STAU1: variants seen among roughly 807,000 people sequenced by gnomAD.
The protein encoded by STAU1 is double-stranded RNA-binding protein Staufen homolog 1.
Under a neutral mutation model 62.9 loss-of-function variants are expected in STAU1, and 13 were observed. The ratio of observed to expected loss-of-function variants is 0.21; its 90% CI spans 0.13 to 0.33. STAU1 has a LOEUF of 0.33. STAU1 is among the 10% of genes least tolerant of loss of function. The pLI is 1.00. For synonymous variants in STAU1, 269 were observed against 265.1 expected, an observed-to-expected ratio of 1.01 and a Z score of -0.14; for missense variants, 571 against 712.1, an observed-to-expected ratio of 0.80 and a Z score of 2.25.
At chr20:49,159,824 A>G (rs2093421882) in intron 3 of STAU1, among the ~76,000 whole-genome samples, 1 of 152,230 alleles carries the variant, frequency 6.6e-6, no homozygotes, top group Non-Finnish European at 1.5e-5. Context: ...GGCCTTCCAA[A>G]GTGCTGTGAA....
At chr20:49,185,465 G>C (rs1246849152) in intron 1 of STAU1, among the ~76,000 whole-genome samples, 1 of 152,190 alleles carries the variant, frequency 6.6e-6, no homozygotes, top group Non-Finnish European at 1.5e-5. Context: ...CTTTTCTGCT[G>C]TACAGAAATC....
At chr20:49,197,449 T>A in the STAU1 span, among the ~76,000 whole-genome samples, 1 of 150,874 alleles carries the variant, frequency 6.6e-6, no homozygotes, top group African/African-American at 2.4e-5. Context: ...TTGCCCAGAC[T>A]GGAGTGCAGT....
Position 49,134,780 on chromosome 20 carries a change from A to G in STAU1, c.609+1053T>C, listed in dbSNP as rs555933563. On this transcript the variant is annotated intron_variant, in intron 6 of 13. Coordinates refer to ENST00000371856, the MANE Select transcript of STAU1 (RefSeq NM_017453.4). ...GAAAGAAATGTATACACTGGGAATC[A>G]TTAGTTTTCCCATTCCTGGAGAGCC... The G allele has an allele frequency of 1.5e-3, 1,792 of 1,198,926 alleles. 12 individuals are homozygous for G. Among genetic ancestry groups the G allele is most frequent in the South Asian group, 9.1e-3 (750 of 82,654 alleles). 74.3% of individuals were successfully genotyped at this position (1,198,926 alleles called of 1,614,324 possible).
chr20:49,149,996 G>C (rs138500326), intron 5 of STAU1, among the ~76,000 whole-genome samples: 8 of 152,286 alleles, frequency 5.3e-5, no homozygotes, highest in Admixed American at 5.2e-4. Context: ...ATGCTACCCA[G>C]AGATATTTTC....
intron 1 of STAU1, among the ~76,000 whole-genome samples, chr20:49,180,551 T>G (rs2093712887): frequency 6.6e-6 from 1 of 152,226 alleles, no homozygotes; most frequent in South Asian, 2.1e-4. Flanking sequence ...CTCGAACTCC[T>G]GACCTCAGGT....
At chr20:49,171,872 A>G (rs971561665) in intron 2 of STAU1, among the ~76,000 whole-genome samples, 2 of 151,010 alleles carry the variant, frequency 1.3e-5, no homozygotes, top group Admixed American at 1.3e-4. Context: ...ATACTAAATC[A>G]CCCAATAATA....
At chr20:49,128,819 T>C (rs1424250188) in intron 6 of STAU1, among the ~76,000 whole-genome samples, 1 of 144,704 alleles carries the variant, frequency 6.9e-6, no homozygotes, top group African/African-American at 2.5e-5. Context: ...TATGTCACAG[T>C]ATATATGAAA....
chr20:49,151,698 A>G lies in STAU1; in HGVS notation c.394T>C (p.Ser132Pro). 2 of 1,611,522 alleles carry G rather than the reference A, an allele frequency of 1.2e-6. No homozygotes were observed. The highest frequency in any genetic ancestry group is 1.7e-6 in the Non-Finnish European group (2 of 1,179,212). Residue 132 changes from serine (S) to proline (P), a missense_variant, in exon 5 of 14, where the codon TCT (serine) becomes CCT (proline). Around this residue, in one of 3 missense-constraint regions of STAU1, gnomAD observed 414 missense variants for 499.6 expected, o/e 0.83. Transcript: ENST00000371856. ...CCATTAAATTGCTGTCCTCCCACAG[A>G]AAGTTCCACTTGATAAAGTAAAGGT... ...VPPLLYQVELSVGGQQFNGKG... is the reference protein window; with the variant it reads ...VPPLLYQVELPVGGQQFNGKG...
the STAU1 span, among the ~76,000 whole-genome samples, chr20:49,204,636 ATATATATATATTTTTTTTTTT>A: frequency 1.8e-5 from 1 of 55,948 alleles, no homozygotes; most frequent in Non-Finnish European, 2.9e-5. Context: ...GTATATATAT[ATATATATATATTTTTTTTTTT>A]TTTTTTTTTT....
At chr20:49,144,285 G>A (rs984628382) in intron 5 of STAU1, among the ~76,000 whole-genome samples, 123 of 52,884 alleles carry the variant, frequency 2.3e-3, no homozygotes, top group Admixed American at 4.3e-3. Flanking sequence ...GTTGTCACAC[G>A]TACTTTTTTT....
chr20:49,203,190 C>T, the STAU1 span, among the ~76,000 whole-genome samples: 88 of 151,810 alleles, frequency 5.8e-4, no homozygotes, highest in African/African-American at 1.6e-3. Context: ...TTTAGGAGCC[C>T]GAGGCGGGCA....
At chr20:49,164,300 G>T (rs915392700) in intron 3 of STAU1, among the ~76,000 whole-genome samples, 5 of 151,080 alleles carry the variant, frequency 3.3e-5, no homozygotes, top group Non-Finnish European at 7.4e-5. Flanking sequence ...CCAAGAAGGA[G>T]ACTTTTTTTC....
chr20:49,156,878 AT>A (rs3091610), intron 3 of STAU1, among the ~76,000 whole-genome samples: 108,709 of 147,194 alleles, frequency 0.74, 40,596 homozygotes, highest in African/African-American at 0.87. Flanking sequence ...ATGCACTGAA[AT>A]TTTTTTTTTT....
At chr20:49,206,751 A>ATATATTTTTTTTTTT in the STAU1 span, among the ~76,000 whole-genome samples, 27 of 95,030 alleles carry the variant, frequency 2.8e-4, no homozygotes, top group African/African-American at 1.1e-3. Context: ...ATATATATAT[A>ATATATTTTTTTTTTT]TTTTATTTTA....
rs2093630930 is a variant in STAU1 at position 49,174,188 on chromosome 20, T to A, written c.-85+7A>T. On this transcript the variant is annotated splice_region_variant and intron_variant, in intron 2 of 13. Coordinates refer to ENST00000371856, the MANE Select transcript of STAU1 (RefSeq NM_017453.4). ...GGCCAGAAATTATAAAGCCAAATTA[T>A]ATGTACCTTTTTTAAAAAGAGGGCG... The A allele has an allele frequency of 6.6e-6, 1 of 152,196 alleles. No homozygotes were observed. The highest frequency in any genetic ancestry group is 1.5e-5 in the Non-Finnish European group (1 of 68,028). The allele number at this position is 152,196 out of a possible 1,614,324, so 9.4% of individuals were successfully genotyped here. A position where few individuals can be genotyped will look rare whatever the true frequency, so the allele number is the denominator to read the frequency against.
chr20:49,133,322 A>G (rs1358767502), intron 6 of STAU1, among the ~76,000 whole-genome samples: 1 of 152,196 alleles, frequency 6.6e-6, no homozygotes, highest in African/African-American at 2.4e-5. Context: ...TCAGGAATCC[A>G]AGGCTCTGGC....
chr20:49,153,791 G>A, intron 4 of STAU1, 142 bp downstream of exon 4: 3 of 640,296 alleles, frequency 4.7e-6, no homozygotes, highest in Non-Finnish European at 4.6e-6. Flanking sequence ...AAAGGCACAA[G>A]AGTAATTAAG....
At chr20:49,210,048 C>CA in the STAU1 span, among the ~76,000 whole-genome samples, 49,383 of 150,234 alleles carry the variant, frequency 0.33, 8,737 homozygotes, top group Middle Eastern at 0.46. Flanking sequence ...CACTCTGTCT[C>CA]AAAAAAAAAT....
At chr20:49,164,275 G>C (rs904672591) in intron 3 of STAU1, among the ~76,000 whole-genome samples, 1 of 151,884 alleles carries the variant, frequency 6.6e-6, no homozygotes, top group African/African-American at 2.4e-5. Context: ...TTACAGGTGT[G>C]AACCACCTTG....
Sources: allele counts gnomAD v4.1 joint callset (sites outside exome capture counted in the v4.1 genomes callset), GRCh38; gene constraint gnomAD v4.1.1; regional missense constraint gnomAD v4.1.1; transcripts MANE v1.5; gene names NCBI Gene and HGNC (gene_info 2026-07-23, HGNC 2026-07-21).